RBFOX1: variants seen among roughly 807,000 people sequenced by gnomAD.
RBFOX1 encodes RNA binding fox-1 homolog 1.
Under a neutral mutation model 57.7 loss-of-function variants are expected in RBFOX1, and 8 were observed. That is an observed-to-expected ratio of 0.14 (90% CI 0.08 to 0.25). RBFOX1 has a LOEUF of 0.25. Among genes scored for constraint, RBFOX1 ranks in the 10% least tolerant of loss-of-function variants. RBFOX1 has a pLI of 1.00. For missense variants in RBFOX1, 611 were observed against 548.5 expected (o/e 1.11, Z -1.14); for synonymous variants, 326 against 222.4 (o/e 1.47, Z -4.15).
chr16:6,390,932 T>G (rs369817590), intron 2 of RBFOX1, among the ~76,000 whole-genome samples: 4 of 152,234 alleles, frequency 2.6e-5, no homozygotes, highest in African/African-American at 9.6e-5. Flanking sequence ...TTTCTCAACC[T>G]CAGCACTACT....
chr16:7,161,784 G>A (rs1264741306), intron 4 of RBFOX1, among the ~76,000 whole-genome samples: 1 of 152,196 alleles, frequency 6.6e-6, no homozygotes, highest in East Asian at 1.9e-4. Flanking sequence ...TTATAGAGGT[G>A]ATTTCAGCAC....
chr16:6,914,801 T>A (rs2072691175), intron 3 of RBFOX1, among the ~76,000 whole-genome samples: 1 of 152,118 alleles, frequency 6.6e-6, no homozygotes. Context: ...AACAACAAGA[T>A]CGCTGAAGCC....
intron 3 of RBFOX1, chr16:6,773,911 G>T: frequency 1.0e-6 from 1 of 980,264 alleles, no homozygotes. Context: ...GAGTGCATTT[G>T]CGTTGCGGGG....
intron 3 of RBFOX1, among the ~76,000 whole-genome samples, chr16:6,825,571 C>T (rs984602817): frequency 6.6e-6 from 1 of 152,138 alleles, no homozygotes; most frequent in African/African-American, 2.4e-5. Flanking sequence ...ACGTGTGAAG[C>T]ATTTTTGAGT....
At chr16:5,401,440 C>T (rs1427894969) in intron 1 of RBFOX1, among the ~76,000 whole-genome samples, 1 of 152,080 alleles carries the variant, frequency 6.6e-6, no homozygotes, top group Non-Finnish European at 1.5e-5. Flanking sequence ...GGTCTTATGC[C>T]ATTAATGTGC....
intron 3 of RBFOX1, among the ~76,000 whole-genome samples, chr16:6,708,860 G>C (rs2063241016): frequency 6.6e-6 from 1 of 152,132 alleles, no homozygotes; most frequent in South Asian, 2.1e-4. Flanking sequence ...AATTATTTCA[G>C]GCACCAGAAG....
At chr16:7,022,158 G>C (rs998484370) in intron 3 of RBFOX1, among the ~76,000 whole-genome samples, 5 of 148,988 alleles carry the variant, frequency 3.4e-5, no homozygotes, top group South Asian at 2.2e-4. Context: ...TGCCTCCTGG[G>C]TTATAAATGA....
intron 2 of RBFOX1, among the ~76,000 whole-genome samples, chr16:6,470,152 C>T (rs4786872): frequency 0.14 from 21,988 of 152,164 alleles, 2,437 homozygotes; most frequent in East Asian, 0.47. Context: ...TAGATACTGC[C>T]TCTAGTTGAA....
intron 1 of RBFOX1, among the ~76,000 whole-genome samples, chr16:6,155,713 C>T (rs1255010834): frequency 6.6e-6 from 1 of 152,168 alleles, no homozygotes; most frequent in Non-Finnish European, 1.5e-5. Flanking sequence ...TTGAAGTAGT[C>T]CCCGTGGAGC....
At chr16:7,061,580 G>T (rs1410031536) in intron 4 of RBFOX1, among the ~76,000 whole-genome samples, 4 of 152,130 alleles carry the variant, frequency 2.6e-5, no homozygotes, top group Non-Finnish European at 5.9e-5. Context: ...TCAAAAAAAA[G>T]TTCACACATT....
In RBFOX1 at chr16:6,622,647, A is replaced by C. The variant is rs887088333; in HGVS notation, c.-63-31956A>C. On this transcript the variant is annotated intron_variant, in intron 2 of 15. Transcript: ENST00000550418. Reference sequence around the variant, plus strand: ...TAAAAAATAAATAAATGAATATATGAATACAAAACAATTTTTAGAAGATAA... The same window carrying C: ...TAAAAAATAAATAAATGAATATATGCATACAAAACAATTTTTAGAAGATAA... Among the ~76,000 whole-genome samples the C allele has an allele frequency of 6.6e-5, 10 of 152,222 alleles. No individual in the cohort carries two copies. The East Asian group carries it at 1.9e-3, about 29-fold the overall frequency.
chr16:6,245,339 G>C (rs1323310470), intron 1 of RBFOX1, among the ~76,000 whole-genome samples: 1 of 152,036 alleles, frequency 6.6e-6, no homozygotes, highest in Non-Finnish European at 1.5e-5. Context: ...TTTTCCTTGA[G>C]GATATTGATA....
chr16:5,801,628 A>T (rs573197701), intron 3 of RBFOX1, among the ~76,000 whole-genome samples: 15 of 152,218 alleles, frequency 9.9e-5, no homozygotes, highest in Non-Finnish European at 2.2e-4. Context: ...ACACAAAAAA[A>T]TACCAATGTG....
At chr16:7,609,723 C>T (rs2057051557) in intron 10 of RBFOX1, among the ~76,000 whole-genome samples, 1 of 152,224 alleles carries the variant, frequency 6.6e-6, no homozygotes, top group African/African-American at 2.4e-5. Context: ...TTCAGCTGGT[C>T]AGGAGGAGGC....
intron 7 of RBFOX1, among the ~76,000 whole-genome samples, chr16:7,591,593 A>G (rs971776072): frequency 1.3e-5 from 2 of 152,162 alleles, no homozygotes; most frequent in Non-Finnish European, 2.9e-5. Flanking sequence ...TACTGATTAT[A>G]CCTGCTCATG....
chr16:6,528,345 CCTAA>C (rs899439849), intron 2 of RBFOX1, among the ~76,000 whole-genome samples: 14 of 152,214 alleles, frequency 9.2e-5, no homozygotes, highest in African/African-American at 2.7e-4. Context: ...TGACAAGCTG[CCTAA>C]CTGTTTGCAC....
chr16:7,643,939 G>C (rs997550440), intron 11 of RBFOX1, among the ~76,000 whole-genome samples: 10 of 152,262 alleles, frequency 6.6e-5, no homozygotes, highest in Middle Eastern at 3.4e-3. Flanking sequence ...ACTGTCAACA[G>C]ATTCCCCTGC....
Position 5,569,461 on chromosome 16 carries a change from TTTTTTTC to T in RBFOX1, c.259-29438_259-29432del, listed in dbSNP as rs1567240796. 8.9e-4 allele frequency among the ~76,000 whole-genome samples: 97 copies of T among 109,554 alleles called. No homozygotes were observed. In the Middle Eastern group the frequency reaches 0.012, roughly 13 times the overall value. The allele number at this position is 109,554 out of a possible 152,430, so 71.9% of individuals were successfully genotyped here. A position where few individuals can be genotyped will look rare whatever the true frequency, so the allele number is the denominator to read the frequency against. ...ACCTTTTTTTTTTTTTTTTTTTTTT[TTTTTTTC>T]TTCTTCTTTTTGGAGTACTCTCTAT... On this transcript the variant is annotated intron_variant, in intron 2 of 2. Transcript: ENST00000585867.
intron 1 of RBFOX1, among the ~76,000 whole-genome samples, chr16:6,208,418 G>A (rs1327874269): frequency 2.8e-4 from 2 of 7,220 alleles, no homozygotes; most frequent in Non-Finnish European, 0.015. Context: ...CAGCAAGCAT[G>A]TGCTTAGTGT....
Sources: allele counts gnomAD v4.1 joint callset (sites outside exome capture counted in the v4.1 genomes callset), GRCh38; gene constraint gnomAD v4.1.1; transcripts MANE v1.5; gene names NCBI Gene and HGNC (gene_info 2026-07-23, HGNC 2026-07-21).